The following CELSR1 variants were observed in gnomAD, a reference collection of about 807,000 sequenced individuals.
CELSR1 encodes the protein cadherin EGF LAG seven-pass G-type receptor 1.
In CELSR1, 110 loss-of-function variants were observed where a neutral mutation model predicts 249.1. The observed-to-expected ratio is 0.44, with a 90% CI of 0.38 to 0.52. The LOEUF (loss-of-function observed/expected upper bound fraction) is 0.52. CELSR1 is among the 20% of genes least tolerant of loss of function. The pLI is 0.00. For synonymous variants in CELSR1, 2,113 were observed against 1,900.0 expected (o/e 1.11, Z -2.92); for missense variants, 4,109 against 4,296.4 (o/e 0.96, Z 1.22).
intron 28 of CELSR1, 32 bp from the exon 29 acceptor site, chr22:46,367,150 T>C (rs1219501136): frequency 6.2e-7 from 1 of 1,602,610 alleles, no homozygotes; most frequent in East Asian, 2.2e-5. Flanking sequence ...CAGCACCTGC[T>C]GCTGCCTCCC....
Position 46,517,276 on chromosome 22 carries a change from G to A in CELSR1, c.3544+16351C>T, listed in dbSNP as rs75816943. ...GCAAAAAATGCTGGGCCGATGACCCGCAGGAAAAACAGGAGGGAAGAGAGA... is the reference window on the plus strand; with the variant it reads ...GCAAAAAATGCTGGGCCGATGACCCACAGGAAAAACAGGAGGGAAGAGAGA... On this transcript the variant is annotated intron_variant, in intron 1 of 34. Transcript: ENST00000674500. This position sits in a 1 kb window ranked among gnomAD's most constrained non-coding sequence, Gnocchi z 5.4. Among the ~76,000 whole-genome samples, 2,487 of 152,292 alleles carry A rather than the reference G, an allele frequency of 0.016. 76 individuals are homozygous for A. The highest frequency in any genetic ancestry group is 0.057 in the African/African-American group (2,372 of 41,556).
chr22:46,466,958 A>C (rs1377912534), intron 1 of CELSR1, among the ~76,000 whole-genome samples: 1 of 152,200 alleles, frequency 6.6e-6, no homozygotes, highest in Non-Finnish European at 1.5e-5. Context: ...GGCACTGTCT[A>C]CCAGCCAGGA....
At position 46,434,490 on chromosome 22, in the gene CELSR1, A is replaced by G. The variant is rs537687246; in HGVS notation, c.4523-1009T>C. On this transcript the variant is annotated intron_variant, in intron 4 of 34. Transcript: ENST00000674500. The surrounding 1 kb of genome is among the most constrained non-coding windows in gnomAD (Gnocchi z 4.9). ...GGAATAGCCTAATCCCACCTCACAG[A>G]GCCCGGAGGGCTATGGCCACCTCTC... Among the ~76,000 whole-genome samples, 8 of 152,360 alleles carry G rather than the reference A, an allele frequency of 5.3e-5. No individual in the cohort carries two copies. The highest frequency in any genetic ancestry group is 8.8e-5 in the Non-Finnish European group (6 of 68,036).
At chr22:46,373,454 T>G (rs1296010540) in intron 24 of CELSR1, among the ~76,000 whole-genome samples, 7 of 68,944 alleles carry the variant, frequency 1.0e-4, no homozygotes, top group East Asian at 8.6e-4. Flanking sequence ...TGCTCGGGGT[T>G]GGGGGGGCAG....
At chr22:46,524,192 C>T (rs1193581290) in intron 1 of CELSR1, among the ~76,000 whole-genome samples, 2 of 152,228 alleles carry the variant, frequency 1.3e-5, no homozygotes, top group African/African-American at 2.4e-5. Context: ...TTTCTCTGCC[C>T]TTACCATGGG....
rs985735980 is a variant in CELSR1 at position 46,411,894 on chromosome 22, G to A, written c.4612-135C>T. 1.1e-5 allele frequency: 12 copies of A among 1,112,330 alleles called. No individual in the cohort carries two copies. Among genetic ancestry groups the A allele is most frequent in the Admixed American group, 2.0e-5 (1 of 50,312 alleles). 68.9% of individuals were successfully genotyped at this position (1,112,330 alleles called of 1,614,324 possible). On this transcript the variant is annotated intron_variant, in intron 5 of 34. Transcript: ENST00000674500. This position sits in a 1 kb window ranked among gnomAD's most constrained non-coding sequence, Gnocchi z 4.2. ...CGTAGACAAGGGATGAGGAGCCCCC[G>A]GCCTTTAGTTCCCCAAACTAGCTGT...
Position 46,361,483 on chromosome 22 carries a change from C to T in CELSR1, c.*1740G>A, listed in dbSNP as rs960477633. ...GTTAAAGTCATGAAAGGAGACTGTT[C>T]GAAGACTTAAAAACCTTTTCGTACT... On this transcript the variant is annotated 3_prime_UTR_variant, in exon 35 of 35. Transcript: ENST00000674500. 5 of 152,278 alleles carry T rather than the reference C, an allele frequency of 3.3e-5. No homozygotes were observed. The highest frequency in any genetic ancestry group is 9.7e-5 in the African/African-American group (4 of 41,434). 9.4% of individuals were successfully genotyped at this position (152,278 alleles called of 1,614,324 possible). A position where few individuals can be genotyped will look rare whatever the true frequency, so the allele number is the denominator to read the frequency against.
At chr22:46,368,711 G>T (rs1053021251) in intron 27 of CELSR1, among the ~76,000 whole-genome samples, 2 of 151,984 alleles carry the variant, frequency 1.3e-5, no homozygotes, top group Non-Finnish European at 2.9e-5. Context: ...GGCCTCGAAG[G>T]TCCCCTCTCC....
intron 5 of CELSR1, among the ~76,000 whole-genome samples, chr22:46,426,499 G>A (rs755233798): frequency 4.7e-4 from 72 of 152,190 alleles, no homozygotes; most frequent in East Asian, 3.9e-4. Flanking sequence ...GGTGAGGGGC[G>A]GTCTTGGGGC....
chr22:46,479,815 A>G (rs762883091), intron 1 of CELSR1, among the ~76,000 whole-genome samples: 2 of 152,168 alleles, frequency 1.3e-5, no homozygotes, highest in African/African-American at 2.4e-5. Flanking sequence ...CAAGCTGCGA[A>G]AGCCCCAGGC....
chr22:46,467,971 G>C (rs1231648899), intron 1 of CELSR1, among the ~76,000 whole-genome samples: 14 of 152,002 alleles, frequency 9.2e-5, no homozygotes, highest in Admixed American at 9.2e-4. Context: ...GTACCGTTTG[G>C]GTTGCTACTT....
rs1220087572 is a variant in CELSR1 at position 46,412,475 on chromosome 22, G to A, written c.4612-716C>T. Among the ~76,000 whole-genome samples, 2 of 152,194 alleles carry A rather than the reference G, an allele frequency of 1.3e-5. No individual in the cohort carries two copies. Among genetic ancestry groups the A allele is most frequent in the African/African-American group, 4.8e-5 (2 of 41,464 alleles). ...ACACCAGGAGGCCACTGCCCGGCCT[G>A]CAGACGGCCCCACATCTCCCCTCTA... On this transcript the variant is annotated intron_variant, in intron 5 of 34. Transcript: ENST00000674500. This position sits in a 1 kb window ranked among gnomAD's most constrained non-coding sequence, Gnocchi z 4.5.
intron 1 of CELSR1, among the ~76,000 whole-genome samples, chr22:46,496,867 G>A (rs1030993280): frequency 1.7e-4 from 26 of 151,720 alleles, no homozygotes; most frequent in African/African-American, 5.3e-4. Context: ...TTTTTTAAAT[G>A]TAAGTAGAAG....
At chr22:46,365,726 G>A (rs199758891) in intron 30 of CELSR1, 37 bp from the exon 31 acceptor site, 96 of 1,498,812 alleles carry the variant, frequency 6.4e-5, no homozygotes, top group Middle Eastern at 1.7e-4. Flanking sequence ...AGTATCATCC[G>A]TCAGGGAACA....
At chr22:46,458,595 A>G (rs991633652) in intron 2 of CELSR1, among the ~76,000 whole-genome samples, 2 of 152,132 alleles carry the variant, frequency 1.3e-5, no homozygotes, top group African/African-American at 4.8e-5. Context: ...CAGAGCAGGG[A>G]GTATCTGGAG....
At chr22:46,475,968 T>A (rs867150509) in intron 1 of CELSR1, among the ~76,000 whole-genome samples, 1 of 152,222 alleles carries the variant, frequency 6.6e-6, no homozygotes, top group Non-Finnish European at 1.5e-5. Context: ...CAGGAAGGTG[T>A]GTTCACACAT....
Position 46,391,612 on chromosome 22 carries a change from G to A in CELSR1, c.6148+21C>T. 3 of 1,572,320 alleles carry A rather than the reference G, an allele frequency of 1.9e-6. No homozygotes were observed. The highest frequency in any genetic ancestry group is 8.6e-7 in the Non-Finnish European group (1 of 1,165,156). ...CTGTCCCCGCGCTGTAACCTGCAGG[G>A]TGTCGAGGGGCAACGCGGACCTTCA... On this transcript the variant is annotated intron_variant, in intron 15 of 34. Transcript: ENST00000674500. The surrounding 1 kb of genome is among the most constrained non-coding windows in gnomAD (Gnocchi z 4.3).
intron 9 of CELSR1, among the ~76,000 whole-genome samples, chr22:46,404,914 T>G (rs1377422123): frequency 6.6e-6 from 1 of 152,140 alleles, no homozygotes; most frequent in Non-Finnish European, 1.5e-5. Context: ...AACCTCTGCC[T>G]CCTGAGTTCG....
At position 46,374,988 on chromosome 22, in the gene CELSR1, A is replaced by G. The variant is rs1396792375; in HGVS notation, c.7585-1931T>C. Among the ~76,000 whole-genome samples, 2 of 152,034 alleles carry G rather than the reference A, an allele frequency of 1.3e-5. No individual in the cohort carries two copies. Among genetic ancestry groups the G allele is most frequent in the Non-Finnish European group, 1.5e-5 (1 of 67,962 alleles). On this transcript the variant is annotated intron_variant, in intron 24 of 34. Coordinates refer to ENST00000674500, the MANE Select transcript of CELSR1 (RefSeq NM_001378328.1). This position sits in a 1 kb window ranked among gnomAD's most constrained non-coding sequence, Gnocchi z 4.3. ...CCTCGGGGCTCGTCCTTCATGGGCCAGGCCTGGTGCTCCACCTACCACTGC... is the reference window on the plus strand; with the variant it reads ...CCTCGGGGCTCGTCCTTCATGGGCCGGGCCTGGTGCTCCACCTACCACTGC...
Sources: gnomAD v4.1 joint callset for allele counts (sites outside exome capture counted in the v4.1 genomes callset) on GRCh38, gnomAD v4.1.1 for gene constraint, Gnocchi (gnomAD v3.1) non-coding constraint, MANE v1.5 for transcripts, NCBI Gene and HGNC (gene_info 2026-07-23, HGNC 2026-07-21) for gene names.